Variants in ATP5F1A observed in about 807,000 individuals in gnomAD.
ATP5F1A encodes the protein ATP synthase F1 subunit alpha.
Under a neutral mutation model 57.4 loss-of-function variants are expected in ATP5F1A, and 24 were observed. The ratio of observed to expected loss-of-function variants is 0.42; its 90% CI spans 0.30 to 0.59. ATP5F1A has a LOEUF of 0.59. Among genes scored for constraint, ATP5F1A ranks in the 20% least tolerant of loss-of-function variants. The pLI, the probability that ATP5F1A is intolerant of heterozygous loss-of-function variation, is 0.19. For synonymous variants in ATP5F1A, 251 were observed against 255.5 expected, an observed-to-expected ratio of 0.98 and a Z score of 0.17; for missense variants, 494 against 707.9, an observed-to-expected ratio of 0.70 and a Z score of 3.43.
chr18:46,097,145 C>T lies in ATP5F1A; in HGVS notation c.60+1027G>A, dbSNP rs1433265924. ...GTTTCTCCTTCAAGTTGTAATACTG[C>T]GACTGGTCACTGTCAATTCTGAAGC... On this transcript the variant is annotated intron_variant, in intron 1 of 11. Transcript: ENST00000398752. Among the ~76,000 whole-genome samples, 3 of 151,948 alleles carry T rather than the reference C, an allele frequency of 2.0e-5. No homozygotes were observed. The East Asian group carries it at 5.8e-4, about 29-fold the overall frequency.
chr18:46,085,844 A>C, intron 10 of ATP5F1A: 2 of 391,200 alleles, frequency 5.1e-6, no homozygotes, highest in Non-Finnish European at 9.2e-6. Context: ...GAGGCAGGAG[A>C]ATCGCGTGAA....
chr18:46,103,275 C>T (rs1404933932), upstream of ATP5F1A, among the ~76,000 whole-genome samples: 1 of 151,866 alleles, frequency 6.6e-6, no homozygotes, highest in African/African-American at 2.4e-5. Flanking sequence ...TGTCACTCTG[C>T]ACTCCAGCCT....
chr18:46,093,178 A>C (rs8083998), intron 2 of ATP5F1A: 58,676 of 151,964 alleles, frequency 0.39, 11,700 homozygotes, highest in Middle Eastern at 0.53. Flanking sequence ...ATAAAAATCA[A>C]CTGTTAACAA....
rs1910849466 is a variant in ATP5F1A at position 46,095,142 on chromosome 18, A to G, written c.61-11T>C. The G allele has an allele frequency of 6.2e-7, 1 of 1,608,922 alleles. No homozygotes were observed. ...AGCATTTCTGGAGACCTAGTGCAAA[A>G]GTATTCTTAAAAATTTGATTTTTAA... is the stretch of plus-strand genomic sequence containing the variant. On this transcript the variant is annotated splice_polypyrimidine_tract_variant and intron_variant, in intron 1 of 11. Transcript: ENST00000398752.
At chr18:46,103,334 G>A (rs945485876) in intron 1 of ATP5F1A, among the ~76,000 whole-genome samples, 26 of 149,492 alleles carry the variant, frequency 1.7e-4, no homozygotes, top group Admixed American at 2.7e-4. Context: ...AAGGTCGGGC[G>A]CAGTGCCTGT....
At chr18:46,086,547 A>G in intron 8 of ATP5F1A, 53 bp from the exon 9 acceptor site, 4 of 1,517,480 alleles carry the variant, frequency 2.6e-6, no homozygotes, top group Non-Finnish European at 3.6e-6. Flanking sequence ...GAAATCAACT[A>G]TCTTCAAATT....
chr18:46,089,212 C>A (rs1314293892), intron 5 of ATP5F1A, among the ~76,000 whole-genome samples: 3 of 152,150 alleles, frequency 2.0e-5, no homozygotes, highest in Non-Finnish European at 4.4e-5. Flanking sequence ...TTTCTCTATA[C>A]TTTGTATCTG....
chr18:46,088,157 G>T lies in ATP5F1A; in HGVS notation c.751C>A (p.Gln251Lys). The T allele has an allele frequency of 1.2e-6, 2 of 1,604,226 alleles. No individual in the cohort carries two copies. The highest frequency in any genetic ancestry group is 2.3e-5 in the South Asian group (2 of 88,194). The change falls in exon 6 of 12, where the codon CAA becomes AAA. Residue 251 changes from glutamine to lysine, a missense_variant. Transcript: ENST00000398752. ...KLYCIYVAIGQKRSTVAQLVK... is the reference protein window; with the variant it reads ...KLYCIYVAIGKKRSTVAQLVK... The stretch of plus-strand genomic sequence containing the variant: ...AACTGGGCAACAGTGGATCTCTTTT[G>T]ACCAATAGCAACATAAATACAGTAC...
At chr18:46,103,103 A>G (rs1212283116), upstream of ATP5F1A, among the ~76,000 whole-genome samples, 1 of 152,028 alleles carries the variant, frequency 6.6e-6, no homozygotes, top group Non-Finnish European at 1.5e-5. Flanking sequence ...GGAGTTTGAG[A>G]CCAGCCTGAT....
In ATP5F1A at chr18:46,084,495, C is replaced by T. The variant is rs757450512; in HGVS notation, c.1580+9G>A. ...CTTTAAAAAAAGATGCCAACAATTG[C>T]ATTCATACCTGATAGTGCCCAACAA... On this transcript the variant is annotated intron_variant, in intron 11 of 11. Transcript: ENST00000398752. 4 of 1,582,440 alleles carry T rather than the reference C, an allele frequency of 2.5e-6. No homozygotes were observed. The highest frequency in any genetic ancestry group is 2.7e-5 in the African/African-American group (2 of 73,118).
At chr18:46,091,548 G>A (rs906243874) in intron 3 of ATP5F1A, 134 bp downstream of exon 3, 3 of 978,128 alleles carry the variant, frequency 3.1e-6, no homozygotes, top group Non-Finnish European at 1.5e-6. Flanking sequence ...TACAATCTAT[G>A]ATAATAACAA....
Position 46,089,153 on chromosome 18 carries a change from G to A in ATP5F1A, c.650+413C>T, listed in dbSNP as rs569707833. 5.4e-4 allele frequency among the ~76,000 whole-genome samples: 82 copies of A among 151,814 alleles called. No individual in the cohort carries two copies. In the South Asian group the frequency reaches 0.015, roughly 29 times the overall value. On this transcript the variant is annotated intron_variant, in intron 5 of 11. Coordinates refer to ENST00000398752, the MANE Select transcript of ATP5F1A (RefSeq NM_004046.6). ...CTGAGGGAACTCAGAGACCAGTGGC[G>A]GCATGGGTCCTCCATATGCTGAGCG...
upstream of ATP5F1A, chr18:46,098,362 A>AACCCCCCCCCCCCCCCCCCCCCCCCC (rs1555696620): frequency 8.4e-7 from 1 of 1,193,034 alleles, no homozygotes; most frequent in South Asian, 2.1e-5. Flanking sequence ...CCTCGCGTTC[A>AACCCCCCCCCCCCCCCCCCCCCCCCC]CCACCTCTCC....
In ATP5F1A at chr18:46,084,034, C is replaced by A; in HGVS notation, c.*248G>T. The A allele has an allele frequency of 3.1e-5, 10 of 322,042 alleles. No homozygotes were observed. Among genetic ancestry groups the A allele is most frequent in the East Asian group, 5.8e-5 (1 of 17,384 alleles). The allele number at this position is 322,042 out of a possible 1,614,324, so 19.9% of individuals were successfully genotyped here. ...TACAAAGAGCTCAGCCTTGAATTAT[C>A]TAGCCCAGTTGACTGTACCAATATT... On this transcript the variant is annotated 3_prime_UTR_variant, in exon 12 of 12. Coordinates refer to ENST00000398752, the MANE Select transcript of ATP5F1A (RefSeq NM_004046.6).
chr18:46,098,515 T>A, upstream of ATP5F1A: 3 of 706,576 alleles, frequency 4.2e-6, no homozygotes, highest in Non-Finnish European at 5.2e-6. Flanking sequence ...TTTGGTCTTT[T>A]GAGTCGACCT....
At chr18:46,085,444 CAT>C (rs1211926683) in intron 10 of ATP5F1A, 4 of 151,150 alleles carry the variant, frequency 2.6e-5, no homozygotes, top group African/African-American at 9.8e-5. Flanking sequence ...GCCTGGGCAA[CAT>C]AGTGAGACCC....
In ATP5F1A at chr18:46,098,020, T is replaced by C. The variant is rs550442030; in HGVS notation, c.60+152A>G. ...GGTGACGAGCAAAAGGGCACCTGTG[T>C]CGCCTGCTCTGTCCAGCCGGAGAAG... On this transcript the variant is annotated intron_variant, in intron 1 of 11. Coordinates refer to ENST00000398752, the MANE Select transcript of ATP5F1A (RefSeq NM_004046.6). The C allele has an allele frequency of 1.3e-4, 190 of 1,417,886 alleles. No homozygotes were observed. In the African/African-American group the frequency reaches 2.5e-3, roughly 19 times the overall value. 87.8% of individuals were successfully genotyped at this position (1,417,886 alleles called of 1,614,324 possible). A position where few individuals can be genotyped will look rare whatever the true frequency, so the allele number is the denominator to read the frequency against.
At chr18:46,087,274 G>C in intron 7 of ATP5F1A, 42 bp from the exon 8 acceptor site, 1 of 1,611,444 alleles carries the variant, frequency 6.2e-7, no homozygotes, top group South Asian at 1.1e-5. Flanking sequence ...CTATTAAATA[G>C]AAGTTGCATA....
At position 46,084,221 on chromosome 18, in the gene ATP5F1A, G is replaced by C. The variant is rs149765965; in HGVS notation, c.*61C>G. On this transcript the variant is annotated 3_prime_UTR_variant, in exon 12 of 12. Transcript: ENST00000398752. Reference sequence around the variant, plus strand: ...TATGAGAGTAACCCTTTTACAAATGGAACTAATTTACTAGAACAATGACAA... The same window carrying C: ...TATGAGAGTAACCCTTTTACAAATGCAACTAATTTACTAGAACAATGACAA... The C allele has an allele frequency of 3.5e-6, 5 of 1,423,774 alleles. No individual in the cohort carries two copies. The Admixed American group carries it at 5.7e-5, about 16-fold the overall frequency. 88.2% of individuals were successfully genotyped at this position (1,423,774 alleles called of 1,614,324 possible).
Sources: allele counts gnomAD v4.1 joint callset (sites outside exome capture counted in the v4.1 genomes callset), GRCh38; gene constraint gnomAD v4.1.1; transcripts MANE v1.5; gene names NCBI Gene and HGNC (gene_info 2026-07-23, HGNC 2026-07-21).